Variants in ACSM3 observed in about 807,000 individuals in gnomAD.
ACSM3 encodes acyl-CoA synthetase medium chain family member 3, also known as acyl-coenzyme A synthetase ACSM3, mitochondrial.
In ACSM3, 61 loss-of-function variants were observed where a neutral mutation model predicts 74.1. The observed-to-expected ratio is 0.82, with a 90% CI of 0.67 to 1.02. The LOEUF (loss-of-function observed/expected upper bound fraction) is 1.02, where lower values mean the gene tolerates loss of function less well. Among genes scored for constraint, ACSM3 ranks in the 50% least tolerant of loss-of-function variants. The pLI, the probability that ACSM3 is intolerant of heterozygous loss-of-function variation, is 0.00. For synonymous variants in ACSM3, 213 were observed against 241.5 expected (o/e 0.88, Z 1.09); for missense variants, 660 against 697.0 (o/e 0.95, Z 0.60).
At chr16:20,712,794 T>C (rs1272135198) in intron 1 of ACSM3, among the ~76,000 whole-genome samples, 1 of 150,992 alleles carries the variant, frequency 6.6e-6, no homozygotes, top group Non-Finnish European at 1.5e-5. Flanking sequence ...GTGCCTGTAA[T>C]CATAGCTACT....
intron 2 of ACSM3, among the ~76,000 whole-genome samples, chr16:20,753,759 C>A (rs2080006428): frequency 6.6e-6 from 1 of 151,868 alleles, no homozygotes; most frequent in East Asian, 1.9e-4. Flanking sequence ...TGGAGGGAGA[C>A]AAATGGCCCA....
At chr16:20,740,024 G>C (rs1394500683) in intron 1 of ACSM3, among the ~76,000 whole-genome samples, 1 of 152,174 alleles carries the variant, frequency 6.6e-6, no homozygotes, top group Non-Finnish European at 1.5e-5. Context: ...CTTTTGGTGA[G>C]ATTAGACCAA....
At chr16:20,735,774 AGCT>A (rs745795922) in intron 1 of ACSM3, 4 of 152,234 alleles carry the variant, frequency 2.6e-5, no homozygotes, top group East Asian at 1.9e-4. Context: ...TGGATAGAGA[AGCT>A]GCTACTTTTC....
chr16:20,786,043 G>A (rs1300788144), intron 8 of ACSM3, 35 bp from the exon 9 acceptor site: 2 of 1,397,248 alleles, frequency 1.4e-6, no homozygotes, highest in South Asian at 1.4e-5. Context: ...TAAGTGACTT[G>A]TAATGTTATC....
At chr16:20,745,375 C>T (rs2079953394) in intron 1 of ACSM3, among the ~76,000 whole-genome samples, 1 of 151,980 alleles carries the variant, frequency 6.6e-6, no homozygotes, top group African/African-American at 2.4e-5. Context: ...CACTTGAGGC[C>T]AGTTCAAGAC....
chr16:20,756,647 C>A (rs953115714), intron 3 of ACSM3, among the ~76,000 whole-genome samples: 2 of 152,168 alleles, frequency 1.3e-5, no homozygotes, highest in African/African-American at 4.8e-5. Context: ...AATTAGATCC[C>A]ATTTGTCAAT....
chr16:20,729,358 G>T, intron 1 of ACSM3: 1 of 1,433,918 alleles, frequency 7.0e-7, no homozygotes, highest in East Asian at 2.3e-5. Context: ...TTTCCTCTGG[G>T]TTTGTAGATT....
chr16:20,741,790 G>A (rs924620696), intron 1 of ACSM3: 4 of 1,548,034 alleles, frequency 2.6e-6, no homozygotes, highest in South Asian at 1.2e-5. Context: ...TGCTGTTGGC[G>A]TCCTCGTCTA....
At chr16:20,769,068 A>T (rs914468508) in intron 1 of ACSM3, among the ~76,000 whole-genome samples, 1 of 152,246 alleles carries the variant, frequency 6.6e-6, no homozygotes, top group African/African-American at 2.4e-5. Context: ...ATGTATCAAT[A>T]CAGAAATGCT....
chr16:20,684,305 T>C (rs544146500), intron 1 of ACSM3, among the ~76,000 whole-genome samples: 1 of 152,180 alleles, frequency 6.6e-6, no homozygotes, highest in African/African-American at 2.4e-5. Context: ...AATAGGAATA[T>C]TCACACAATC....
At chr16:20,708,397 T>C (rs1567320899) in intron 1 of ACSM3, among the ~76,000 whole-genome samples, 1 of 152,240 alleles carries the variant, frequency 6.6e-6, no homozygotes, top group African/African-American at 2.4e-5. Context: ...TAAGATCCTG[T>C]CATCTGCAAA....
intron 1 of ACSM3, chr16:20,737,659 C>T: frequency 6.5e-7 from 1 of 1,534,534 alleles, no homozygotes; most frequent in Admixed American, 2.3e-5. Context: ...CCTTAAAAAA[C>T]AAGTATTTAC....
chr16:20,775,605 A>G (rs560862440), intron 2 of ACSM3, among the ~76,000 whole-genome samples: 1 of 152,082 alleles, frequency 6.6e-6, no homozygotes, highest in East Asian at 1.9e-4. Context: ...TTGACACTCT[A>G]TTTGTCATGT....
At chr16:20,716,959 C>A (rs187249772) in intron 1 of ACSM3, among the ~76,000 whole-genome samples, 7 of 152,248 alleles carry the variant, frequency 4.6e-5, no homozygotes, top group Non-Finnish European at 8.8e-5. Flanking sequence ...GATTTAGTAA[C>A]CCAAATACAA....
chr16:20,702,937 T>C (rs1244931503), intron 1 of ACSM3: 4 of 152,256 alleles, frequency 2.6e-5, no homozygotes, highest in East Asian at 1.9e-4. Context: ...AGGGCTTTTA[T>C]GGTTTTGGGT....
At chr16:20,770,504 C>A (rs2080179768) in intron 2 of ACSM3, among the ~76,000 whole-genome samples, 1 of 149,514 alleles carries the variant, frequency 6.7e-6, no homozygotes, top group African/African-American at 2.5e-5. Context: ...CCCTGTATTA[C>A]ATAAATGTAG....
At chr16:20,796,046 T>C (rs1250705586) in intron 12 of ACSM3, 1 of 205,588 alleles carries the variant, frequency 4.9e-6, no homozygotes, top group Non-Finnish European at 9.6e-6. Flanking sequence ...TTCACAGCCT[T>C]GTATAAAGAC....
intron 7 of ACSM3, chr16:20,784,587 T>C (rs1264102796): frequency 1.2e-5 from 2 of 161,416 alleles, no homozygotes; most frequent in Non-Finnish European, 2.7e-5. Flanking sequence ...AAGGATGACA[T>C]GCAAATTTTT....
chr16:20,718,365 G>T, intron 1 of ACSM3: 1 of 956,992 alleles, frequency 1.0e-6, no homozygotes. Flanking sequence ...CCTCTGAAGA[G>T]CACAGCTGTG....
Sources: gnomAD v4.1 joint callset for allele counts (sites outside exome capture counted in the v4.1 genomes callset) on GRCh38, gnomAD v4.1.1 for gene constraint, MANE v1.5 for transcripts, NCBI Gene and HGNC (gene_info 2026-07-23, HGNC 2026-07-21) for gene names.